Variants in CEP63 observed in about 807,000 individuals in gnomAD.
CEP63 encodes the protein centrosomal protein of 63 kDa.
CEP63 carries 84 observed loss-of-function variants against 89.1 expected under a neutral mutation model. The observed-to-expected ratio is 0.94, with a 90% confidence interval of 0.79 to 1.13. CEP63 has a LOEUF of 1.13. Ranked by LOEUF, CEP63 falls within the 50% of genes most tolerant of loss-of-function variation. CEP63 has a pLI of 0.00. For synonymous variants in CEP63, 267 were observed against 272.5 expected, an observed-to-expected ratio of 0.98 and a Z score of 0.20; for missense variants, 838 against 813.3, an observed-to-expected ratio of 1.03 and a Z score of -0.37.
intron 6 of CEP63, among the ~76,000 whole-genome samples, chr3:134,538,293 C>T (rs912102555): frequency 2.3e-5 from 3 of 128,728 alleles, no homozygotes; most frequent in South Asian, 2.5e-4. Flanking sequence ...ACTTTTTGTT[C>T]GTCTCCCTGA....
intron 6 of CEP63, among the ~76,000 whole-genome samples, chr3:134,538,423 A>C (rs1025140762): frequency 3.3e-5 from 5 of 149,782 alleles, no homozygotes; most frequent in Non-Finnish European, 3.0e-5. Flanking sequence ...TCTAGGCCAC[A>C]GCAAGCTGTG....
chr3:134,571,252 C>T (rs948332347), intron 11 of CEP63, among the ~76,000 whole-genome samples: 1 of 152,238 alleles, frequency 6.6e-6, no homozygotes, highest in Non-Finnish European at 1.5e-5. Context: ...GCCTCAGCCT[C>T]CTCTGTTGCT....
the CEP63 span, among the ~76,000 whole-genome samples, chr3:134,614,199 C>T: frequency 2.5e-4 from 38 of 152,176 alleles, no homozygotes; most frequent in Non-Finnish European, 4.0e-4. Flanking sequence ...TGAGAGAGCA[C>T]GGAAGGAGGG....
chr3:134,693,159 G>A, the CEP63 span, among the ~76,000 whole-genome samples: 1 of 152,326 alleles, frequency 6.6e-6, no homozygotes, highest in South Asian at 2.1e-4. Context: ...CACAGTTCTG[G>A]ACAATAAGAT....
the CEP63 span, among the ~76,000 whole-genome samples, chr3:134,674,118 C>G: frequency 1.1e-4 from 17 of 152,184 alleles, no homozygotes; most frequent in Non-Finnish European, 2.1e-4. Context: ...GTGAGGTGTA[C>G]TGTCTTTCCT....
the CEP63 span, chr3:134,604,372 T>C: frequency 6.2e-7 from 1 of 1,614,004 alleles, no homozygotes. Flanking sequence ...CTTCATCCCA[T>C]TCTTCCTTAG....
the CEP63 span, chr3:134,629,392 T>C: frequency 2.1e-5 from 11 of 526,982 alleles, no homozygotes; most frequent in South Asian, 5.5e-5. Flanking sequence ...TTCAGCTAAA[T>C]GTCTGTGTTA....
chr3:134,723,409 G>A, the CEP63 span, among the ~76,000 whole-genome samples: 1 of 152,254 alleles, frequency 6.6e-6, no homozygotes, highest in African/African-American at 2.4e-5. Flanking sequence ...TACAAAGAAG[G>A]ATAAGAAATA....
the CEP63 span, among the ~76,000 whole-genome samples, chr3:134,724,235 A>G: frequency 6.6e-6 from 1 of 152,320 alleles, no homozygotes; most frequent in East Asian, 1.9e-4. Context: ...TTTAAATACA[A>G]CTGGAAGACC....
At chr3:134,717,013 C>G in the CEP63 span, among the ~76,000 whole-genome samples, 1 of 152,114 alleles carries the variant, frequency 6.6e-6, no homozygotes, top group African/African-American at 2.4e-5. Context: ...GTCATGCCTC[C>G]CCTTTTGACC....
At chr3:134,760,599 C>T in the CEP63 span, among the ~76,000 whole-genome samples, 2 of 152,130 alleles carry the variant, frequency 1.3e-5, no homozygotes, top group Non-Finnish European at 2.9e-5. Flanking sequence ...TCCTATGTGT[C>T]CCCCAGTGAT....
the CEP63 span, among the ~76,000 whole-genome samples, chr3:134,770,829 G>T: frequency 6.6e-6 from 1 of 152,156 alleles, no homozygotes; most frequent in Non-Finnish European, 1.5e-5. Flanking sequence ...CCACTCCTGA[G>T]TTCTCCTCTT....
At chr3:134,516,034 A>G (rs1192009450) in intron 3 of CEP63, among the ~76,000 whole-genome samples, 6 of 152,138 alleles carry the variant, frequency 3.9e-5, no homozygotes, top group East Asian at 3.9e-4. Flanking sequence ...TAGAGAAAGA[A>G]AAAAGGGGGC....
intron 10 of CEP63, among the ~76,000 whole-genome samples, chr3:134,580,570 C>T (rs1187176393): frequency 3.3e-5 from 5 of 152,020 alleles, no homozygotes; most frequent in Non-Finnish European, 5.9e-5. Context: ...CTGGCAAAAC[C>T]GTGATACCAA....
intron 10 of CEP63, among the ~76,000 whole-genome samples, chr3:134,584,956 G>GTTTTTTTCTTTTTTTTTTTTTTTT (rs1958446842): frequency 2.8e-5 from 1 of 36,038 alleles, no homozygotes; most frequent in Middle Eastern, 0.016. Flanking sequence ...ATTTTCTAGG[G>GTTTTTTTCTTTTTTTTTTTTTTTT]TTTTTTTTTT....
the CEP63 span, among the ~76,000 whole-genome samples, chr3:134,613,921 C>T: frequency 0.018 from 2,796 of 152,240 alleles, 56 homozygotes; most frequent in Middle Eastern, 0.048. Context: ...GATCACTGGC[C>T]GCACACACTG....
the CEP63 span, among the ~76,000 whole-genome samples, chr3:134,650,411 G>T: frequency 6.6e-6 from 1 of 152,310 alleles, no homozygotes; most frequent in Non-Finnish European, 1.5e-5. Context: ...TCAGCCCAAA[G>T]GTTTCCCAGC....
the CEP63 span, among the ~76,000 whole-genome samples, chr3:134,710,947 C>T: frequency 1.3e-5 from 2 of 151,996 alleles, no homozygotes; most frequent in Non-Finnish European, 2.9e-5. Flanking sequence ...GTCTCGATCT[C>T]CTGATCTTGT....
At chr3:134,485,948 T>A, upstream of CEP63, 1 of 982,562 alleles carries the variant, frequency 1.0e-6, no homozygotes, top group Non-Finnish European at 1.2e-6. Flanking sequence ...CTGGAAACCC[T>A]TACCGGCACC....
Sources: allele counts gnomAD v4.1 joint callset (sites outside exome capture counted in the v4.1 genomes callset), GRCh38; gene constraint gnomAD v4.1.1; transcripts MANE v1.5; gene names NCBI Gene and HGNC (gene_info 2026-07-23, HGNC 2026-07-21).